SLC25A53: variants seen among roughly 807,000 people sequenced by gnomAD.
The protein encoded by SLC25A53 is mitochondrial carrier triple repeat protein 6.
SLC25A53 carries 5 observed loss-of-function variants against 15.0 expected under a neutral mutation model. That is an observed-to-expected ratio of 0.33 (90% CI 0.17 to 0.70). The LOEUF (loss-of-function observed/expected upper bound fraction) is 0.70. Among genes scored for constraint, SLC25A53 ranks in the 30% least tolerant of loss-of-function variants. The pLI, the probability that SLC25A53 is intolerant of heterozygous loss-of-function variation, is 0.67. For missense variants in SLC25A53, 216 were observed against 241.6 expected (o/e 0.89, Z 0.70); for synonymous variants, 95 against 100.0 (o/e 0.95, Z 0.30).
chrX:104,143,138 A>G (rs145195540), intron 1 of SLC25A53, among the ~76,000 whole-genome samples: 4,305 of 110,925 alleles, frequency 0.039, 180 homozygotes, highest in African/African-American at 0.13. Flanking sequence ...AACCACAAAG[A>G]TGGGGAGAAA....
intron 1 of SLC25A53, chrX:104,112,801 A>G (rs1270041915): frequency 8.9e-6 from 1 of 112,415 alleles, no homozygotes; most frequent in Non-Finnish European, 1.9e-5. Context: ...GTGGAGCACA[A>G]GTAAAGAAAG....
rs1370367282 is a variant in SLC25A53 at position 104,102,029 on chromosome X, G to A, written c.*2305C>T. The A allele has an allele frequency of 3.6e-5, 4 of 111,770 alleles. No individual in the cohort carries two copies. Among genetic ancestry groups the A allele is most frequent in the Non-Finnish European group, 7.5e-5 (4 of 53,168 alleles). 9.2% of individuals were successfully genotyped at this position (111,770 alleles called of 1,213,427 possible). A position where few individuals can be genotyped will look rare whatever the true frequency, so the allele number is the denominator to read the frequency against. ...GCAGACTCTGTGTTCATACTTCCTT[G>A]AATCCACAAGTTGAGTACTGTCCCA... On this transcript the variant is annotated 3_prime_UTR_variant, in exon 2 of 2. Coordinates refer to ENST00000594199, the MANE Select transcript of SLC25A53 (RefSeq NM_001012755.5).
chrX:104,120,129 C>G (rs1322612565), intron 1 of SLC25A53, among the ~76,000 whole-genome samples: 3 of 111,850 alleles, frequency 2.7e-5, no homozygotes, highest in African/African-American at 6.5e-5. Flanking sequence ...TGTCGGTGGA[C>G]ATTTGGACTG....
At chrX:104,142,850 G>A (rs1432453851) in intron 1 of SLC25A53, among the ~76,000 whole-genome samples, 2 of 107,016 alleles carry the variant, frequency 1.9e-5, no homozygotes, top group African/African-American at 6.9e-5. Flanking sequence ...CAACCTGGGA[G>A]GCGGAACTTA....
At chrX:104,106,672 G>T (rs782407411) in intron 1 of SLC25A53, among the ~76,000 whole-genome samples, 1 of 111,322 alleles carries the variant, frequency 9.0e-6, no homozygotes, top group Non-Finnish European at 1.9e-5. Context: ...GCCACACACT[G>T]CAAGAAGCCC....
At chrX:104,128,317 T>C (rs2075416756) in intron 1 of SLC25A53, among the ~76,000 whole-genome samples, 1 of 112,149 alleles carries the variant, frequency 8.9e-6, no homozygotes, top group African/African-American at 3.2e-5. Flanking sequence ...ATTTATTATA[T>C]TAGAAATCAA....
At chrX:104,113,656 T>C (rs1239809816) in intron 1 of SLC25A53, 1 of 120,102 alleles carries the variant, frequency 8.3e-6, no homozygotes, top group African/African-American at 3.3e-5. Flanking sequence ...TGGTTTCTTA[T>C]TATCATAAAT....
At chrX:104,140,322 C>CGTGTGTGTGTGTGTGT (rs55930796) in intron 1 of SLC25A53, among the ~76,000 whole-genome samples, 1 of 100,896 alleles carries the variant, frequency 9.9e-6, no homozygotes, top group Non-Finnish European at 2.0e-5. Context: ...GACAGGATTC[C>CGTGTGTGTGTGTGTGT]GTGTGTGTGT....
chrX:104,121,896 T>TC (rs2075394485), intron 1 of SLC25A53, among the ~76,000 whole-genome samples: 344 of 23,230 alleles, frequency 0.015, 47 homozygotes, highest in African/African-American at 0.036. Flanking sequence ...TATATATATA[T>TC]ATATATATAT....
chrX:104,122,291 ATTTC>A (rs1556363029), intron 1 of SLC25A53, among the ~76,000 whole-genome samples: 1 of 90,609 alleles, frequency 1.1e-5, no homozygotes, highest in East Asian at 3.5e-4. Flanking sequence ...TAGATGTCTG[ATTTC>A]TTTTTTTTGT....
intron 1 of SLC25A53, among the ~76,000 whole-genome samples, chrX:104,110,759 T>A (rs2075337120): frequency 8.9e-6 from 1 of 111,772 alleles, no homozygotes; most frequent in Admixed American, 9.4e-5. Context: ...TGATGCCAAA[T>A]CCAGCAAAGG....
chrX:104,147,035 C>A (rs2075469709), intron 1 of SLC25A53, among the ~76,000 whole-genome samples: 1 of 111,968 alleles, frequency 8.9e-6, no homozygotes, highest in Admixed American at 9.5e-5. Flanking sequence ...AGGCATCACA[C>A]TACCTCACTT....
intron 1 of SLC25A53, among the ~76,000 whole-genome samples, chrX:104,149,374 T>A (rs966055840): frequency 8.9e-6 from 1 of 112,852 alleles, no homozygotes; most frequent in Non-Finnish European, 1.9e-5. Flanking sequence ...TACTTCATAA[T>A]GTCTGGGGCC....
intron 1 of SLC25A53, among the ~76,000 whole-genome samples, chrX:104,108,302 C>A (rs1203617071): frequency 9.0e-6 from 1 of 111,324 alleles, no homozygotes; most frequent in Non-Finnish European, 1.9e-5. Flanking sequence ...GTATTAAGAT[C>A]CACCTCAAAA....
At chrX:104,140,808 T>C (rs1818015982) in intron 1 of SLC25A53, among the ~76,000 whole-genome samples, 2 of 111,839 alleles carry the variant, frequency 1.8e-5, no homozygotes, top group South Asian at 7.5e-4. Flanking sequence ...ACTGGCCTGC[T>C]TGTGAACACA....
intron 1 of SLC25A53, among the ~76,000 whole-genome samples, chrX:104,118,974 C>A (rs2075385709): frequency 8.9e-6 from 1 of 112,220 alleles, no homozygotes; most frequent in African/African-American, 3.2e-5. Flanking sequence ...CAACCATCCC[C>A]TCCCCCTTCA....
chrX:104,137,609 C>A (rs782475855), intron 1 of SLC25A53, among the ~76,000 whole-genome samples: 62 of 111,695 alleles, frequency 5.6e-4, no homozygotes, highest in Admixed American at 2.9e-3. Context: ...AACCTGCACT[C>A]TTTTATCTTT....
chrX:104,120,214 C>T (rs1449156340), intron 1 of SLC25A53, among the ~76,000 whole-genome samples: 2 of 111,673 alleles, frequency 1.8e-5, no homozygotes, highest in Non-Finnish European at 3.8e-5. Flanking sequence ...TATGTGCACA[C>T]ACAAGGTATA....
chrX:104,152,849 T>C (rs375475780), intron 1 of SLC25A53, among the ~76,000 whole-genome samples: 5 of 112,262 alleles, frequency 4.5e-5, no homozygotes, highest in African/African-American at 1.6e-4. Context: ...TTGGTTGTCT[T>C]TTTATGTGTG....
Sources: allele counts gnomAD v4.1 joint callset (sites outside exome capture counted in the v4.1 genomes callset), GRCh38; gene constraint gnomAD v4.1.1; transcripts MANE v1.5; gene names NCBI Gene and HGNC (gene_info 2026-07-23, HGNC 2026-07-21).